The following ARMC9 variants were observed in gnomAD, a reference collection of about 807,000 sequenced individuals.
ARMC9 encodes the protein lisH domain-containing protein ARMC9.
Under a neutral mutation model 107.0 loss-of-function variants are expected in ARMC9, and 94 were observed. The ratio of observed to expected loss-of-function variants is 0.88; its 90% CI spans 0.74 to 1.04. The LOEUF (loss-of-function observed/expected upper bound fraction) is 1.04, where lower values mean the gene tolerates loss of function less well. ARMC9 is among the 50% of genes least tolerant of loss of function. The pLI, the probability that ARMC9 is intolerant of heterozygous loss-of-function variation, is 0.00. For missense variants in ARMC9, 942 were observed against 1,030.1 expected (o/e 0.91, Z 1.17); for synonymous variants, 380 against 396.9 (o/e 0.96, Z 0.51).
At chr2:231,232,997 C>T (rs2035379884) in intron 7 of ARMC9, among the ~76,000 whole-genome samples, 1 of 151,870 alleles carries the variant, frequency 6.6e-6, no homozygotes, top group South Asian at 2.1e-4. Flanking sequence ...ACTACAGGTG[C>T]GTGCCTCCAC....
intron 20 of ARMC9, among the ~76,000 whole-genome samples, chr2:231,334,662 G>A (rs2043963532): frequency 2.6e-5 from 4 of 152,192 alleles, no homozygotes; most frequent in Middle Eastern, 6.8e-3. Context: ...AAAATTTAAC[G>A]TGGAGCAGTA....
intron 19 of ARMC9, among the ~76,000 whole-genome samples, chr2:231,324,490 G>A (rs1191292373): frequency 5.4e-5 from 8 of 148,800 alleles, no homozygotes; most frequent in East Asian, 2.0e-4. Context: ...AGTGGCTCAC[G>A]CCTGTAATCC....
Position 231,278,417 on chromosome 2 carries a change from C to A in ARMC9, c.1510C>A (p.Leu504Ile). 1 of 1,614,162 alleles carries A rather than the reference C, an allele frequency of 6.2e-7. No homozygotes were observed. The highest frequency in any genetic ancestry group is 1.1e-5 in the South Asian group (1 of 91,082). Reference protein sequence around the residue: ...NMCAKVAGLVLKVLSDLLGHE... With the variant: ...NMCAKVAGLVIKVLSDLLGHE... Reference sequence around the variant, plus strand: ...GTGTGCCAAGGTGGCAGGCCTCGTGCTCAAAGTCCTTTCGGATCTTCTTGG... The same window carrying A: ...GTGTGCCAAGGTGGCAGGCCTCGTGATCAAAGTCCTTTCGGATCTTCTTGG... The change falls in exon 16 of 25, where the codon CTC becomes ATC. Residue 504 changes from leucine (L) to isoleucine (I), a missense_variant. Leu to Ile is a conservative substitution (Grantham distance 5). Coordinates refer to ENST00000611582, the MANE Select transcript of ARMC9 (RefSeq NM_001352754.2).
intron 16 of ARMC9, among the ~76,000 whole-genome samples, chr2:231,278,686 C>T (rs2039967721): frequency 6.6e-6 from 1 of 152,208 alleles, no homozygotes; most frequent in Non-Finnish European, 1.5e-5. Context: ...GCTTGGCCCA[C>T]TGGCCTGTGC....
At chr2:231,292,345 T>C (rs142448903) in intron 18 of ARMC9, among the ~76,000 whole-genome samples, 1 of 152,174 alleles carries the variant, frequency 6.6e-6, no homozygotes, top group African/African-American at 2.4e-5. Flanking sequence ...CCCTCCTAAA[T>C]CCTGCCCCAC....
intron 19 of ARMC9, among the ~76,000 whole-genome samples, chr2:231,311,798 A>G (rs1471428515): frequency 9.1e-6 from 1 of 110,380 alleles, no homozygotes; most frequent in East Asian, 2.7e-4. Flanking sequence ...AAAAAAAAAT[A>G]TTGTGCAGGG....
chr2:231,322,918 C>T (rs906920210), intron 19 of ARMC9, among the ~76,000 whole-genome samples: 20 of 152,150 alleles, frequency 1.3e-4, no homozygotes, highest in African/African-American at 1.9e-4. Context: ...TAAAATATGT[C>T]GTTTCGTTTG....
chr2:231,213,572 G>A (rs1244179779), intron 3 of ARMC9, among the ~76,000 whole-genome samples: 4 of 151,856 alleles, frequency 2.6e-5, no homozygotes, highest in Admixed American at 6.6e-5. Flanking sequence ...CGCCTCCCGG[G>A]TTCAAGCAAT....
chr2:231,346,454 G>C (rs769296532), intron 21 of ARMC9, among the ~76,000 whole-genome samples: 14 of 152,192 alleles, frequency 9.2e-5, no homozygotes, highest in Admixed American at 6.5e-5. Context: ...CCAGGAGGCG[G>C]AGCTTGCAGT....
intron 7 of ARMC9, 42 bp downstream of exon 7, chr2:231,226,840 C>CTG: frequency 1.3e-6 from 2 of 1,596,410 alleles, no homozygotes; most frequent in Non-Finnish European, 1.7e-6. Flanking sequence ...ACAACTTTGC[C>CTG]AGTTCAGGTT....
chr2:231,332,148 G>A (rs2043785487), intron 20 of ARMC9, among the ~76,000 whole-genome samples: 3 of 152,198 alleles, frequency 2.0e-5, no homozygotes, highest in South Asian at 2.1e-4. Flanking sequence ...GGGGCCTTTG[G>A]AACATCAGAA....
At chr2:231,220,981 G>T (rs563429468) in intron 5 of ARMC9, among the ~76,000 whole-genome samples, 2 of 152,338 alleles carry the variant, frequency 1.3e-5, no homozygotes, top group Non-Finnish European at 2.9e-5. Context: ...TTCTCTGTGT[G>T]GTTGAGCGTA....
chr2:231,338,537 T>C (rs796734123), intron 20 of ARMC9, among the ~76,000 whole-genome samples: 2 of 135,564 alleles, frequency 1.5e-5, no homozygotes, highest in African/African-American at 5.9e-5. Flanking sequence ...CCAATTCACT[T>C]TTTTTTTTTT....
rs2045516048 is a variant in ARMC9, at chr2:231,360,290, G to A, written c.2132-464G>A. ...CACCCTGGGTGTACCGAGTGGTTCA[G>A]CATTAAGGAGCCTTGGGCTGCTCGG... On this transcript the variant is annotated intron_variant, in intron 22 of 24. Coordinates refer to ENST00000611582, the MANE Select transcript of ARMC9 (RefSeq NM_001352754.2). This position sits in a 1 kb window ranked among gnomAD's most constrained non-coding sequence, Gnocchi z 4.7. Among the ~76,000 whole-genome samples the A allele has an allele frequency of 2.0e-5, 3 of 152,176 alleles. No homozygotes were observed. In the South Asian group the frequency reaches 6.2e-4, roughly 32 times the overall value.
intron 19 of ARMC9, among the ~76,000 whole-genome samples, chr2:231,310,185 C>G (rs1270477700): frequency 6.8e-6 from 1 of 146,940 alleles, no homozygotes; most frequent in Non-Finnish European, 1.5e-5. Context: ...GAGGCTGAGG[C>G]GGGAGGATCA....
intron 8 of ARMC9, among the ~76,000 whole-genome samples, chr2:231,238,118 G>A (rs1440443058): frequency 6.6e-6 from 1 of 151,920 alleles, no homozygotes; most frequent in East Asian, 1.9e-4. Flanking sequence ...TTGAAGGTGG[G>A]TTGAGACAGT....
In ARMC9 at chr2:231,269,398, C is replaced by CTTTTTTTTT. The variant is rs773618086; in HGVS notation, c.1120-1571_1120-1563dup. Among the ~76,000 whole-genome samples the CTTTTTTTTT allele has an allele frequency of 2.6e-3, 294 of 112,346 alleles. 14 individuals are homozygous for CTTTTTTTTT. Among genetic ancestry groups the CTTTTTTTTT allele is most frequent in the African/African-American group, 0.011 (276 of 25,738 alleles). 73.7% of individuals were successfully genotyped at this position (112,346 alleles called of 152,430 possible). A position where few individuals can be genotyped will look rare whatever the true frequency, so the allele number is the denominator to read the frequency against. ...TCTTTAGGAGATTTCTTTTCTTCTT[C>CTTTTTTTTT]TTTTTTTTTTTTTTTTTTTTTGAGA... On this transcript the variant is annotated intron_variant, in intron 12 of 24. Coordinates refer to ENST00000611582, the MANE Select transcript of ARMC9 (RefSeq NM_001352754.2).
chr2:231,340,137 C>G (rs1330109025), intron 20 of ARMC9, among the ~76,000 whole-genome samples: 1 of 152,166 alleles, frequency 6.6e-6, no homozygotes, highest in Non-Finnish European at 1.5e-5. Context: ...TGCTTTTAAA[C>G]TAGGTTGAAC....
rs113134841 is a variant in ARMC9, at chr2:231,317,171, T to C, written c.1774-14622T>C. ...CTGTGTTAATCTTTTTTAGGGTTCA[T>C]GGAACTTTTTTTTTTTTGAGACGGA... On this transcript the variant is annotated intron_variant, in intron 19 of 24. Transcript: ENST00000611582. Among the ~76,000 whole-genome samples the C allele has an allele frequency of 2.2e-3, 338 of 152,130 alleles. 3 individuals carry two copies. The highest frequency in any genetic ancestry group is 7.8e-3 in the African/African-American group (323 of 41,482).
Sources: gnomAD v4.1 joint callset for allele counts (sites outside exome capture counted in the v4.1 genomes callset) on GRCh38, gnomAD v4.1.1 for gene constraint, Gnocchi (gnomAD v3.1) non-coding constraint, MANE v1.5 for transcripts, NCBI Gene and HGNC (gene_info 2026-07-23, HGNC 2026-07-21) for gene names.